KLF12: variants seen among roughly 807,000 people sequenced by gnomAD.
The protein encoded by KLF12 is Krueppel-like factor 12.
KLF12 carries 9 observed loss-of-function variants against 37.8 expected under a neutral mutation model. The observed-to-expected ratio is 0.24, with a 90% confidence interval of 0.14 to 0.42. The LOEUF (loss-of-function observed/expected upper bound fraction) is 0.42. Among genes scored for constraint, KLF12 ranks in the 10% least tolerant of loss-of-function variants. The pLI, the probability that KLF12 is intolerant of heterozygous loss-of-function variation, is 1.00. For missense variants in KLF12, 411 were observed against 516.0 expected, an observed-to-expected ratio of 0.80 and a Z score of 1.97; for synonymous variants, 208 against 202.1, an observed-to-expected ratio of 1.03 and a Z score of -0.25.
chr13:74,182,325 G>A, the KLF12 span, among the ~76,000 whole-genome samples: 2 of 152,204 alleles, frequency 1.3e-5, no homozygotes, highest in Non-Finnish European at 2.9e-5. Flanking sequence ...ACACGTGTAA[G>A]GCTAGAGTCA....
chr13:74,035,796 C>T (rs916963376), intron 1 of KLF12, among the ~76,000 whole-genome samples: 3 of 152,156 alleles, frequency 2.0e-5, no homozygotes, highest in African/African-American at 7.2e-5. Flanking sequence ...AAATTGTACA[C>T]AAATTTTTAA....
chr13:74,291,934 G>GT, the KLF12 span, among the ~76,000 whole-genome samples: 4 of 152,110 alleles, frequency 2.6e-5, no homozygotes, highest in African/African-American at 9.7e-5. Flanking sequence ...CTGATCACAG[G>GT]TTAGCTAGAT....
intron 1 of KLF12, among the ~76,000 whole-genome samples, chr13:74,102,628 TG>T (rs544293880): frequency 2.0e-5 from 3 of 150,838 alleles, no homozygotes; most frequent in East Asian, 2.0e-4. Flanking sequence ...ACCTGGGAGG[TG>T]GGGGGTTGCA....
chr13:73,764,924 G>A lies in KLF12; in HGVS notation c.869+14C>T. 6.9e-7 allele frequency: 1 copy of A among 1,449,398 alleles called. No homozygotes were observed. The highest frequency in any genetic ancestry group is 9.7e-7 in the Non-Finnish European group (1 of 1,036,062). The allele number at this position is 1,449,398 out of a possible 1,614,324, so 89.8% of individuals were successfully genotyped here. A position where few individuals can be genotyped will look rare whatever the true frequency, so the allele number is the denominator to read the frequency against. On this transcript the variant is annotated intron_variant, in intron 6 of 7. Transcript: ENST00000377669. ...GTAAGACCTACAAATACTCATATTA[G>A]ACTGTATACTCACCAAGGAAACTTT...
intron 4 of KLF12, among the ~76,000 whole-genome samples, chr13:73,815,861 A>G (rs1459471760): frequency 6.6e-6 from 1 of 152,222 alleles, no homozygotes; most frequent in Middle Eastern, 3.2e-3. Flanking sequence ...GTCTAATTGT[A>G]TGAAAGATTC....
At chr13:74,235,423 T>G in the KLF12 span, among the ~76,000 whole-genome samples, 1 of 152,234 alleles carries the variant, frequency 6.6e-6, no homozygotes, top group Admixed American at 6.5e-5. Flanking sequence ...AAAAGTTTAC[T>G]TTTTATCACA....
At chr13:73,728,905 C>A (rs1876858022) in intron 6 of KLF12, among the ~76,000 whole-genome samples, 1 of 152,142 alleles carries the variant, frequency 6.6e-6, no homozygotes, top group African/African-American at 2.4e-5. Context: ...TAGGATAATG[C>A]TGGTATCAAA....
At chr13:74,015,663 G>A (rs961107806) in intron 1 of KLF12, among the ~76,000 whole-genome samples, 8 of 152,154 alleles carry the variant, frequency 5.3e-5, no homozygotes, top group Non-Finnish European at 7.4e-5. Flanking sequence ...ATGAATATTT[G>A]TACACTGTTC....
intron 4 of KLF12, among the ~76,000 whole-genome samples, chr13:73,843,994 ATC>A (rs1211469880): frequency 2.0e-5 from 3 of 152,044 alleles, no homozygotes; most frequent in Non-Finnish European, 4.4e-5. Flanking sequence ...CAAAATAAAA[ATC>A]TCTCTCACAA....
At chr13:74,061,313 A>G (rs1873578863) in intron 1 of KLF12, among the ~76,000 whole-genome samples, 1 of 152,206 alleles carries the variant, frequency 6.6e-6, no homozygotes, top group Non-Finnish European at 1.5e-5. Context: ...TTTCAAACAC[A>G]GATAGGTGGG....
chr13:73,947,333 T>A (rs140683234), intron 2 of KLF12, among the ~76,000 whole-genome samples: 77 of 152,286 alleles, frequency 5.1e-4, no homozygotes, highest in African/African-American at 1.7e-3. Flanking sequence ...AGAAGGATAA[T>A]CTTGATATCC....
intron 3 of KLF12, among the ~76,000 whole-genome samples, chr13:73,878,653 A>G (rs1886829534): frequency 6.6e-6 from 1 of 152,088 alleles, no homozygotes; most frequent in African/African-American, 2.4e-5. Context: ...TTCTAACAAG[A>G]AAAGGCAGGG....
chr13:73,793,802 C>T (rs1339927901), intron 5 of KLF12, among the ~76,000 whole-genome samples: 1 of 152,168 alleles, frequency 6.6e-6, no homozygotes, highest in East Asian at 1.9e-4. Context: ...ATCACAACAT[C>T]CATACTCTCC....
chr13:73,838,804 GAC>G (rs1244367133), intron 4 of KLF12, among the ~76,000 whole-genome samples: 8 of 152,138 alleles, frequency 5.3e-5, no homozygotes, highest in African/African-American at 1.9e-4. Flanking sequence ...CTAAGGAAAA[GAC>G]AGAAATGTAG....
chr13:74,265,344 A>C, the KLF12 span, among the ~76,000 whole-genome samples: 1 of 152,118 alleles, frequency 6.6e-6, no homozygotes. Flanking sequence ...GATATTTAAC[A>C]CTGATTTATT....
chr13:74,100,491 G>A (rs148271217), intron 1 of KLF12, among the ~76,000 whole-genome samples: 2,095 of 152,128 alleles, frequency 0.014, 51 homozygotes, highest in African/African-American at 0.048. Context: ...GGTGGCAGGC[G>A]CCTGTAATCC....
intron 3 of KLF12, among the ~76,000 whole-genome samples, chr13:73,859,555 A>C (rs1885807138): frequency 6.6e-6 from 1 of 152,232 alleles, no homozygotes; most frequent in South Asian, 2.1e-4. Context: ...CACTGCTAGG[A>C]TAGTTGTAAG....
intron 2 of KLF12, among the ~76,000 whole-genome samples, chr13:73,975,212 C>A (rs1045376346): frequency 2.6e-5 from 4 of 152,114 alleles, no homozygotes; most frequent in African/African-American, 4.8e-5. Context: ...CTGCTCAGCT[C>A]GAGAACACTC....
the KLF12 span, among the ~76,000 whole-genome samples, chr13:74,177,159 G>C: frequency 6.6e-6 from 1 of 152,092 alleles, no homozygotes; most frequent in Non-Finnish European, 1.5e-5. Context: ...TCTGTTCTAC[G>C]ATAGGGAAGG....
Sources: gnomAD v4.1 joint callset for allele counts (sites outside exome capture counted in the v4.1 genomes callset) on GRCh38, gnomAD v4.1.1 for gene constraint, MANE v1.5 for transcripts, NCBI Gene and HGNC (gene_info 2026-07-23, HGNC 2026-07-21) for gene names.